Variants in XPO5 observed in about 807,000 individuals in gnomAD.
XPO5 encodes exportin 5.
XPO5 carries 46 observed loss-of-function variants against 160.6 expected under a neutral mutation model. The ratio of observed to expected loss-of-function variants is 0.29; its 90% CI spans 0.23 to 0.37. The LOEUF (loss-of-function observed/expected upper bound fraction) is 0.37, where lower values mean the gene tolerates loss of function less well. Among genes scored for constraint, XPO5 ranks in the 10% least tolerant of loss-of-function variants. XPO5 has a pLI of 1.00. For synonymous variants in XPO5, 537 were observed against 519.3 expected, an observed-to-expected ratio of 1.03 and a Z score of -0.46; for missense variants, 1,090 against 1,463.9, an observed-to-expected ratio of 0.74 and a Z score of 4.17.
At chr6:43,569,621 T>C (rs998582930) in intron 5 of XPO5, among the ~76,000 whole-genome samples, 14 of 151,218 alleles carry the variant, frequency 9.3e-5, no homozygotes, top group African/African-American at 3.4e-4. Flanking sequence ...TAATCTCAGC[T>C]ACCCGGGAGG....
chr6:43,568,835 T>C, intron 5 of XPO5, 98 bp from the exon 6 acceptor site: 1 of 1,063,350 alleles, frequency 9.4e-7, no homozygotes, highest in South Asian at 1.9e-5. Flanking sequence ...TAATGATTCT[T>C]AAATATATGC....
At chr6:43,545,403 G>C (rs889618739) in intron 20 of XPO5, among the ~76,000 whole-genome samples, 5 of 151,964 alleles carry the variant, frequency 3.3e-5, no homozygotes, top group Admixed American at 6.6e-5. Flanking sequence ...CTCTAACAAT[G>C]TAATTTAAAC....
In XPO5 at chr6:43,576,003, A is replaced by G; in HGVS notation, c.-139T>C. The G allele has an allele frequency of 8.3e-6, 6 of 724,274 alleles. No individual in the cohort carries two copies. Among genetic ancestry groups the G allele is most frequent in the Non-Finnish European group, 1.1e-5 (5 of 449,728 alleles). The allele number at this position is 724,274 out of a possible 1,614,324, so 44.9% of individuals were successfully genotyped here. On this transcript the variant is annotated 5_prime_UTR_variant, in exon 1 of 32. Transcript: ENST00000265351. ...GGGAAGCTGGAGGAGGAGCGTTAGC[A>G]GCAACTCGCGCTGGGAAGAAGCCGG...
chr6:43,534,548 GACTGTGA>G (rs1478471368), intron 20 of XPO5, among the ~76,000 whole-genome samples: 1 of 152,158 alleles, frequency 6.6e-6, no homozygotes, highest in Non-Finnish European at 1.5e-5. Context: ...AAGGAGCAAG[GACTGTGA>G]ACTTGATATA....
At position 43,528,164 on chromosome 6, in the gene XPO5, C is replaced by G; in HGVS notation, c.2817G>C (p.Leu939=). The G allele has an allele frequency of 6.3e-7, 1 of 1,593,106 alleles. No homozygotes were observed. The highest frequency in any genetic ancestry group is 8.6e-7 in the Non-Finnish European group (1 of 1,169,338). ...AGTGGGTAGGTATCCCTTACCACAG[C>G]AGGCTCCTTTGGTTGATAACTTGCC... ...QKWQVINQRS[L]LCGEDEAADE... is the part of the protein sequence containing the mutation. Residue 939 remains leucine (L), a synonymous_variant, in exon 25 of 32, where the codon CTG becomes CTC. Transcript: ENST00000265351.
At chr6:43,557,783 TAA>T (rs59661301) in intron 12 of XPO5, among the ~76,000 whole-genome samples, 11,009 of 87,240 alleles carry the variant, frequency 0.13, 688 homozygotes, top group African/African-American at 0.19. Flanking sequence ...AATAAAGCTG[TAA>T]AAAAAAAAAA....
intron 20 of XPO5, among the ~76,000 whole-genome samples, chr6:43,538,296 C>T (rs1008124202): frequency 1.5e-4 from 22 of 151,458 alleles, no homozygotes; most frequent in African/African-American, 3.6e-4. Context: ...ACTACAGGTG[C>T]GCACCACCAC....
Position 43,525,211 on chromosome 6 carries a change from C to T in XPO5, c.3070G>A (p.Val1024Ile). ...GCTGTAATTAATAGCGCTGTACAAA[C>T]ATCCTGAACAGGAAAAGATGAAGAG... ...LGKCLMKHED[V>I]CTALLITAFN... The change falls in exon 29 of 32, where the codon GTT (valine) becomes ATT (isoleucine). Residue 1024 changes from valine (V) to isoleucine (I), a missense_variant. Val to Ile is a conservative substitution (Grantham distance 29). This residue lies in a region of XPO5 where 810 missense variants were observed against 1,139.0 expected (regional missense o/e 0.71). Transcript: ENST00000265351. The T allele has an allele frequency of 6.4e-7, 1 of 1,572,184 alleles. No homozygotes were observed. Among genetic ancestry groups the T allele is most frequent in the Non-Finnish European group, 8.6e-7 (1 of 1,157,724 alleles).
At chr6:43,557,517 A>C (rs1762162360) in intron 12 of XPO5, among the ~76,000 whole-genome samples, 1 of 152,168 alleles carries the variant, frequency 6.6e-6, no homozygotes, top group Non-Finnish European at 1.5e-5. Flanking sequence ...ACAATAGACC[A>C]TGTATGATTC....
chr6:43,558,052 G>A (rs945650851), intron 12 of XPO5, among the ~76,000 whole-genome samples: 1 of 150,914 alleles, frequency 6.6e-6, no homozygotes, highest in Non-Finnish European at 1.5e-5. Context: ...CCGAGATCGC[G>A]CCATTGCACT....
At chr6:43,568,438 C>T (rs553811749) in intron 6 of XPO5, among the ~76,000 whole-genome samples, 135 of 151,868 alleles carry the variant, frequency 8.9e-4, no homozygotes, top group Non-Finnish European at 1.7e-3. Context: ...ACACTGAGAC[C>T]CTGTTTCTAT....
intron 7 of XPO5, among the ~76,000 whole-genome samples, chr6:43,566,811 TAAAAAAAAAAAAA>T (rs56147929): frequency 9.8e-6 from 1 of 101,674 alleles, no homozygotes; most frequent in Admixed American, 1.1e-4. Flanking sequence ...CTGTTTCAAT[TAAAAAAAAAAAAA>T]AAAAAAAAAG....
At chr6:43,562,944 G>A (rs1260340210) in intron 8 of XPO5, among the ~76,000 whole-genome samples, 1 of 152,164 alleles carries the variant, frequency 6.6e-6, no homozygotes, top group African/African-American at 2.4e-5. Context: ...TGAAAAATGT[G>A]TATTAGAATG....
intron 12 of XPO5, among the ~76,000 whole-genome samples, 198 bp downstream of exon 12, chr6:43,558,303 T>G (rs1028102972): frequency 2.6e-5 from 4 of 152,044 alleles, no homozygotes; most frequent in African/African-American, 9.7e-5. Flanking sequence ...CTGTGGGGGT[T>G]TGTGGTGTAA....
chr6:43,530,866 ACATCTGTTACTGC>A, intron 22 of XPO5, 42 bp from the exon 23 acceptor site: 1 of 1,588,766 alleles, frequency 6.3e-7, no homozygotes, highest in Non-Finnish European at 8.6e-7. Flanking sequence ...GACAAATCCA[ACATCTGTTACTGC>A]CAGCCCTGTC....
intron 23 of XPO5, chr6:43,529,596 A>G: frequency 5.3e-6 from 1 of 188,302 alleles, no homozygotes; most frequent in Non-Finnish European, 1.1e-5. Flanking sequence ...TTCAACTATT[A>G]ATAAGGGTCT....
chr6:43,556,328 A>G (rs138524282), intron 12 of XPO5, among the ~76,000 whole-genome samples: 2 of 152,220 alleles, frequency 1.3e-5, no homozygotes, highest in Non-Finnish European at 2.9e-5. Context: ...GTTCAAAACC[A>G]GTTTGGGCAA....
intron 20 of XPO5, among the ~76,000 whole-genome samples, chr6:43,542,096 T>C (rs1794725882): frequency 6.6e-6 from 1 of 152,202 alleles, no homozygotes; most frequent in African/African-American, 2.4e-5. Flanking sequence ...TTTAGAAATC[T>C]AGTGTGTATT....
chr6:43,547,793 T>C, intron 18 of XPO5, 86 bp from the exon 19 acceptor site: 1 of 1,223,360 alleles, frequency 8.2e-7, no homozygotes, highest in Non-Finnish European at 1.2e-6. Flanking sequence ...GCTATCATTA[T>C]TTGGCCCTTA....
Sources: gnomAD v4.1 joint callset for allele counts (sites outside exome capture counted in the v4.1 genomes callset) on GRCh38, gnomAD v4.1.1 for gene constraint, gnomAD v4.1.1 regional missense constraint, MANE v1.5 for transcripts, NCBI Gene and HGNC (gene_info 2026-07-23, HGNC 2026-07-21) for gene names.